The following CCDC171 variants were observed in gnomAD, a reference collection of about 807,000 sequenced individuals.
The protein encoded by CCDC171 is coiled-coil domain-containing protein 171.
A neutral mutation model predicts 168.2 loss-of-function variants in CCDC171; 177 were observed. That is an observed-to-expected ratio of 1.05 (90% CI 0.93 to 1.19). CCDC171 has a LOEUF of 1.19. Ranked by LOEUF, CCDC171 falls within the 50% of genes most tolerant of loss-of-function variation. The pLI, the probability that CCDC171 is intolerant of heterozygous loss-of-function variation, is 0.00. For missense variants in CCDC171, 1,991 were observed against 1,539.0 expected (o/e 1.29, Z -4.91); for synonymous variants, 687 against 540.8 (o/e 1.27, Z -3.75).
rs1384365821 is a variant in CCDC171 at position 15,729,769 on chromosome 9, C to T, written c.2020C>T (p.Leu674Phe). The change falls in exon 16 of 26, where the codon CTC becomes TTC. Residue 674 changes from leucine (L) to phenylalanine (F), a missense_variant. Transcript: ENST00000380701. Reference protein sequence around the residue: ...KKELELQYSELFLEVQKRAQK... With the variant: ...KKELELQYSEFFLEVQKRAQK... ...GGAACTAGAGCTGCAGTATTCTGAA[C>T]TCTTCCTGGAGGTGCAGAAGAGGGC... 2.5e-6 allele frequency: 4 copies of T among 1,611,612 alleles called. No homozygotes were observed. In the East Asian group the frequency reaches 6.7e-5, roughly 27 times the overall value.
intron 9 of CCDC171, among the ~76,000 whole-genome samples, chr9:15,667,339 A>G (rs1007182352): frequency 1.3e-5 from 2 of 152,160 alleles, no homozygotes; most frequent in Non-Finnish European, 2.9e-5. Context: ...CCACAATATA[A>G]AGATCCCTTT....
At chr9:15,940,968 G>T (rs773052275) in intron 25 of CCDC171, among the ~76,000 whole-genome samples, 1 of 151,916 alleles carries the variant, frequency 6.6e-6, no homozygotes, top group Non-Finnish European at 1.5e-5. Context: ...GACTGTAAAA[G>T]GTGGAGATTG....
chr9:16,086,311 AT>A, the CCDC171 span, among the ~76,000 whole-genome samples: 9,901 of 141,134 alleles, frequency 0.07, 772 homozygotes, highest in African/African-American at 0.2. Flanking sequence ...CCCCTTTATC[AT>A]TTTTTTTTTT....
chr9:15,678,120 A>G (rs2049770986), intron 9 of CCDC171, among the ~76,000 whole-genome samples: 1 of 151,014 alleles, frequency 6.6e-6, no homozygotes, highest in African/African-American at 2.4e-5. Flanking sequence ...TTTGTTGCCC[A>G]GGCTGGTCTT....
chr9:16,023,751 A>G (rs1833220620), intron 6 of CCDC171, among the ~76,000 whole-genome samples: 1 of 151,978 alleles, frequency 6.6e-6, no homozygotes, highest in African/African-American at 2.4e-5. Context: ...TGATCATCTC[A>G]AGATCAGTAA....
intron 21 of CCDC171, among the ~76,000 whole-genome samples, chr9:15,833,126 T>G (rs2060303370): frequency 6.6e-6 from 1 of 151,998 alleles, no homozygotes; most frequent in African/African-American, 2.4e-5. Flanking sequence ...TAGCTGGGAT[T>G]ACAGGCACAC....
chr9:15,596,368 G>T (rs1356824270), intron 6 of CCDC171, among the ~76,000 whole-genome samples: 1 of 151,612 alleles, frequency 6.6e-6, no homozygotes. Flanking sequence ...CATATGGCTA[G>T]CCAGTTTTCC....
At chr9:16,091,020 C>T in the CCDC171 span, among the ~76,000 whole-genome samples, 1 of 152,172 alleles carries the variant, frequency 6.6e-6, no homozygotes, top group South Asian at 2.1e-4. Context: ...CCTACTTGTG[C>T]CATTTGCTCT....
intron 18 of CCDC171, among the ~76,000 whole-genome samples, chr9:15,772,178 A>C (rs1169744999): frequency 6.6e-6 from 1 of 152,132 alleles, no homozygotes; most frequent in Non-Finnish European, 1.5e-5. Flanking sequence ...TTCCCTGATT[A>C]AGATATGCCA....
chr9:15,554,142 C>T (rs1045147234), intron 1 of CCDC171, among the ~76,000 whole-genome samples: 2 of 152,000 alleles, frequency 1.3e-5, no homozygotes, highest in Admixed American at 6.6e-5. Context: ...GTCTCAGCCT[C>T]CCCAGCAGCC....
intron 25 of CCDC171, among the ~76,000 whole-genome samples, chr9:15,954,952 A>G (rs921956928): frequency 2.6e-5 from 4 of 151,982 alleles, no homozygotes; most frequent in East Asian, 3.9e-4. Flanking sequence ...CTATTGATTT[A>G]TTATTTTCCT....
intron 2 of CCDC171, among the ~76,000 whole-genome samples, chr9:15,567,316 A>C (rs572082485): frequency 1.3e-5 from 2 of 152,226 alleles, no homozygotes; most frequent in South Asian, 4.1e-4. Context: ...GTCTGTTCTT[A>C]ATCCAATATC....
intron 16 of CCDC171, among the ~76,000 whole-genome samples, chr9:15,732,367 G>T (rs1461982048): frequency 1.3e-5 from 2 of 152,080 alleles, no homozygotes; most frequent in Admixed American, 6.6e-5. Flanking sequence ...GTGCTGTTAG[G>T]AAGAGTTTCA....
chr9:15,780,173 A>G (rs961457204), intron 20 of CCDC171, among the ~76,000 whole-genome samples: 1 of 152,216 alleles, frequency 6.6e-6, no homozygotes, highest in Non-Finnish European at 1.5e-5. Flanking sequence ...TCAAAGGGCA[A>G]AGAGTTCCTA....
chr9:15,728,856 A>G (rs755115849), intron 15 of CCDC171, among the ~76,000 whole-genome samples: 44 of 152,296 alleles, frequency 2.9e-4, no homozygotes, highest in Non-Finnish European at 6.0e-4. Flanking sequence ...AAGTTAAAAA[A>G]AAAAATTCTG....
intron 4 of CCDC171, among the ~76,000 whole-genome samples, chr9:15,590,388 C>A (rs997154541): frequency 6.6e-6 from 1 of 152,136 alleles, no homozygotes; most frequent in Non-Finnish European, 1.5e-5. Flanking sequence ...AAAAACTTAA[C>A]TAGGGACATT....
intron 7 of CCDC171, among the ~76,000 whole-genome samples, chr9:15,647,608 A>G (rs1406979223): frequency 6.6e-6 from 1 of 152,090 alleles, no homozygotes; most frequent in Non-Finnish European, 1.5e-5. Flanking sequence ...ATCAGAGAAT[A>G]CTATAAACAC....
chr9:15,910,174 A>G (rs1165784177), intron 24 of CCDC171, among the ~76,000 whole-genome samples: 4 of 3,958 alleles, frequency 1.0e-3, no homozygotes, highest in South Asian at 0.026. Flanking sequence ...ATATATGTGC[A>G]CACACACACA....
intron 16 of CCDC171, among the ~76,000 whole-genome samples, chr9:15,731,091 C>T (rs1440903104): frequency 1.3e-5 from 2 of 151,988 alleles, no homozygotes; most frequent in African/African-American, 4.8e-5. Flanking sequence ...ATCTTCTCTT[C>T]TTGCTATTGT....
Sources: allele counts gnomAD v4.1 joint callset (sites outside exome capture counted in the v4.1 genomes callset), GRCh38; gene constraint gnomAD v4.1.1; transcripts MANE v1.5; gene names NCBI Gene and HGNC (gene_info 2026-07-23, HGNC 2026-07-21).